The following GPC3 variants were observed in gnomAD, a reference collection of about 807,000 sequenced individuals.
GPC3 encodes glypican 3.
Under a neutral mutation model 34.4 loss-of-function variants are expected in GPC3, and 3 were observed. The ratio of observed to expected loss-of-function variants is 0.09; its 90% CI spans 0.04 to 0.23. The LOEUF is 0.23. Ranked by LOEUF, GPC3 falls within the 10% of genes least tolerant of loss-of-function variation. The probability of loss-of-function intolerance (pLI) is 1.00; values close to 1 mark genes in which losing one functional copy is unlikely to be tolerated. For missense variants in GPC3, 351 were observed against 445.6 expected (o/e 0.79, Z 1.91); for synonymous variants, 177 against 174.0 (o/e 1.02, Z -0.13).
chrX:133,894,005 G>A (rs2076100655), intron 2 of GPC3, among the ~76,000 whole-genome samples: 1 of 110,735 alleles, frequency 9.0e-6, no homozygotes, highest in Non-Finnish European at 1.9e-5. Context: ...ATCAAGCCTG[G>A]CTTATTTTTG....
At chrX:133,803,501 G>GTT (rs2075620945) in intron 2 of GPC3, among the ~76,000 whole-genome samples, 1 of 111,883 alleles carries the variant, frequency 8.9e-6, no homozygotes, top group African/African-American at 3.2e-5. Flanking sequence ...GCATTCTTCA[G>GTT]TTTGACTACT....
chrX:133,760,968 A>AC (rs779625114), intron 2 of GPC3, among the ~76,000 whole-genome samples: 1 of 109,033 alleles, frequency 9.2e-6, no homozygotes, highest in African/African-American at 3.5e-5. Context: ...TTAATCTTTT[A>AC]AATTTTTTTT....
chrX:133,748,519 T>C (rs761758850), intron 3 of GPC3, among the ~76,000 whole-genome samples: 20 of 111,457 alleles, frequency 1.8e-4, no homozygotes, highest in Non-Finnish European at 3.4e-4. Flanking sequence ...TAATACTTTC[T>C]TGGACTTTTC....
At chrX:133,866,879 C>T (rs1460712555) in intron 2 of GPC3, among the ~76,000 whole-genome samples, 1 of 111,076 alleles carries the variant, frequency 9.0e-6, no homozygotes, top group Non-Finnish European at 1.9e-5. Flanking sequence ...TCTCAGGCTC[C>T]TAGCCCACCA....
intron 2 of GPC3, among the ~76,000 whole-genome samples, chrX:133,914,789 C>T (rs1411030751): frequency 1.9e-5 from 2 of 105,372 alleles, no homozygotes; most frequent in African/African-American, 6.9e-5. Context: ...ATGATTATTT[C>T]TTTTTTGTAG....
chrX:133,717,000 G>C (rs776874288), intron 3 of GPC3, among the ~76,000 whole-genome samples: 5 of 109,868 alleles, frequency 4.6e-5, no homozygotes, highest in African/African-American at 6.6e-5. Flanking sequence ...TTGCTCTGTC[G>C]CCCAGGCTGG....
At chrX:133,719,142 A>G (rs1025020594) in intron 3 of GPC3, among the ~76,000 whole-genome samples, 1 of 111,470 alleles carries the variant, frequency 9.0e-6, no homozygotes, top group African/African-American at 3.3e-5. Context: ...GTAAAACACA[A>G]TTCTCTACTA....
rs1471857487 is a variant in GPC3, at chrX:133,764,560, G to T, written c.338-10384C>A. On this transcript the variant is annotated intron_variant, in intron 2 of 7. Transcript: ENST00000370818. ...TGCTAATAAGGCTACCTTCATCATC[G>T]CTCAGAATGTGTCTGGTTTCACACT... Among the ~76,000 whole-genome samples, 4 of 111,623 alleles carry T rather than the reference G, an allele frequency of 3.6e-5. No individual in the cohort carries two copies. The South Asian group carries it at 1.5e-3, about 41-fold the overall frequency.
At chrX:133,738,120 C>A in intron 3 of GPC3, among the ~76,000 whole-genome samples, 1 of 111,691 alleles carries the variant, frequency 9.0e-6, no homozygotes, top group Non-Finnish European at 1.9e-5. Flanking sequence ...TGCACCAGAA[C>A]ACCAGCTACT....
At chrX:133,750,517 C>T (rs1257091265) in intron 3 of GPC3, among the ~76,000 whole-genome samples, 7 of 112,083 alleles carry the variant, frequency 6.2e-5, no homozygotes, top group Non-Finnish European at 1.3e-4. Flanking sequence ...TCTCACAGCC[C>T]TTTCAACATT....
intron 6 of GPC3, among the ~76,000 whole-genome samples, chrX:133,627,013 T>C (rs898320974): frequency 8.3e-5 from 9 of 108,336 alleles, no homozygotes; most frequent in Non-Finnish European, 1.7e-4. Flanking sequence ...ATGTCCTTTG[T>C]AGGGACATGG....
intron 3 of GPC3, among the ~76,000 whole-genome samples, chrX:133,709,134 A>G (rs139236761): frequency 0.015 from 1,652 of 112,047 alleles, 34 homozygotes; most frequent in African/African-American, 0.051. Flanking sequence ...TTGAAGTGTT[A>G]TTATAATGTC....
At chrX:133,894,063 G>C (rs975453652) in intron 2 of GPC3, among the ~76,000 whole-genome samples, 1 of 111,102 alleles carries the variant, frequency 9.0e-6, no homozygotes, top group African/African-American at 3.3e-5. Flanking sequence ...GGCTGGTCTC[G>C]AACTCCTGAA....
intron 2 of GPC3, among the ~76,000 whole-genome samples, chrX:133,867,732 C>T (rs1030741032): frequency 1.0e-4 from 11 of 107,853 alleles, no homozygotes; most frequent in Admixed American, 2.0e-4. Flanking sequence ...AGCATACCCC[C>T]GTCTTGTACC....
intron 6 of GPC3, among the ~76,000 whole-genome samples, chrX:133,606,247 C>T (rs2070050105): frequency 9.0e-6 from 1 of 111,525 alleles, no homozygotes; most frequent in African/African-American, 3.3e-5. Flanking sequence ...CTGTCCGCTA[C>T]CTCAAAGTGG....
At chrX:133,774,732 T>C (rs1449381678) in intron 2 of GPC3, among the ~76,000 whole-genome samples, 1 of 111,777 alleles carries the variant, frequency 8.9e-6, no homozygotes, top group East Asian at 2.8e-4. Flanking sequence ...TCCCATGTTA[T>C]AGACAGAAAC....
At chrX:133,854,148 G>A (rs181355360) in intron 2 of GPC3, among the ~76,000 whole-genome samples, 1 of 111,194 alleles carries the variant, frequency 9.0e-6, no homozygotes, top group Admixed American at 9.6e-5. Context: ...CTATCATAAT[G>A]GTGCTGTGTT....
chrX:133,551,977 G>A (rs750429733), intron 7 of GPC3, among the ~76,000 whole-genome samples: 8 of 112,770 alleles, frequency 7.1e-5, no homozygotes, highest in African/African-American at 2.6e-4. Flanking sequence ...CCCCTAAGGG[G>A]AAAATGATTT....
chrX:133,791,797 T>TTTGCTTCC (rs2072162670), intron 2 of GPC3, among the ~76,000 whole-genome samples: 1 of 80,216 alleles, frequency 1.2e-5, no homozygotes, highest in Non-Finnish European at 2.3e-5. Context: ...TCCTTTTTCT[T>TTTGCTTCC]TTCCTTCCTT....
Sources: allele counts gnomAD v4.1 joint callset (sites outside exome capture counted in the v4.1 genomes callset), GRCh38; gene constraint gnomAD v4.1.1; transcripts MANE v1.5; gene names NCBI Gene and HGNC (gene_info 2026-07-23, HGNC 2026-07-21).